Variants in PRTG observed in about 807,000 individuals in gnomAD.
The protein encoded by PRTG is protogenin.
A neutral mutation model predicts 122.5 loss-of-function variants in PRTG; 67 were observed. That is an observed-to-expected ratio of 0.55 (90% CI 0.45 to 0.67). PRTG has a LOEUF of 0.67. Ranked by LOEUF, PRTG falls within the 30% of genes least tolerant of loss-of-function variation. PRTG has a pLI of 0.00. For missense variants in PRTG, 1,435 were observed against 1,415.4 expected, an observed-to-expected ratio of 1.01 and a Z score of -0.22; for synonymous variants, 554 against 501.1, an observed-to-expected ratio of 1.11 and a Z score of -1.41.
At chr15:55,623,383 C>T (rs373939187) in intron 18 of PRTG, among the ~76,000 whole-genome samples, 18 of 152,146 alleles carry the variant, frequency 1.2e-4, no homozygotes, top group African/African-American at 4.3e-4. Context: ...GCCTGACCAA[C>T]ACGGTGAAAC....
At chr15:55,741,977 C>T (rs958833254) in intron 1 of PRTG, among the ~76,000 whole-genome samples, 1 of 152,258 alleles carries the variant, frequency 6.6e-6, no homozygotes, top group African/African-American at 2.4e-5. Context: ...AACACCTCTC[C>T]TACCGTCACC....
At chr15:55,702,783 G>T in intron 2 of PRTG, 1 of 288,340 alleles carries the variant, frequency 3.5e-6, no homozygotes, top group Non-Finnish European at 5.2e-6. Flanking sequence ...GTATCAGTAA[G>T]CATTACACAC....
At chr15:55,672,950 G>A (rs2059481242) in intron 10 of PRTG, among the ~76,000 whole-genome samples, 1 of 151,996 alleles carries the variant, frequency 6.6e-6, no homozygotes, top group Non-Finnish European at 1.5e-5. Flanking sequence ...AGGCACTATT[G>A]TCAGCCAATT....
chr15:55,687,257 C>T (rs1262783603), intron 2 of PRTG, among the ~76,000 whole-genome samples: 3 of 152,070 alleles, frequency 2.0e-5, no homozygotes, highest in African/African-American at 7.2e-5. Context: ...TTGTTTGCTA[C>T]AATTCCAAAC....
In PRTG at chr15:55,680,646, C is replaced by A; in HGVS notation, c.677-18G>T. ...CTCCTTAGCTTTGGGGAGGAAAAGA[C>A]AGAATATAAAAATAAATTATAAATA... On this transcript the variant is annotated intron_variant, in intron 4 of 19. Coordinates refer to ENST00000389286, the MANE Select transcript of PRTG (RefSeq NM_173814.6). 6.9e-7 allele frequency: 1 copy of A among 1,443,530 alleles called. No individual in the cohort carries two copies. The highest frequency in any genetic ancestry group is 9.2e-7 in the Non-Finnish European group (1 of 1,085,304). The allele number at this position is 1,443,530 out of a possible 1,614,324, so 89.4% of individuals were successfully genotyped here. A position where few individuals can be genotyped will look rare whatever the true frequency, so the allele number is the denominator to read the frequency against.
chr15:55,691,800 CT>C (rs1270844255), intron 2 of PRTG, among the ~76,000 whole-genome samples: 6 of 152,074 alleles, frequency 3.9e-5, no homozygotes, highest in African/African-American at 1.4e-4. Context: ...AAAAGTATGT[CT>C]ACTTCTAGGA....
At chr15:55,704,134 C>G (rs2029993292) in intron 2 of PRTG, among the ~76,000 whole-genome samples, 1 of 152,210 alleles carries the variant, frequency 6.6e-6, no homozygotes, top group Non-Finnish European at 1.5e-5. Context: ...TTCCCTTCAG[C>G]CTTTTGCCAA....
chr15:55,718,348 C>T (rs1567113303), intron 2 of PRTG, among the ~76,000 whole-genome samples: 1 of 152,090 alleles, frequency 6.6e-6, no homozygotes, highest in Non-Finnish European at 1.5e-5. Context: ...GTCTCTGTTC[C>T]CAATGAAACT....
chr15:55,664,688 C>A (rs1486314272), intron 11 of PRTG, among the ~76,000 whole-genome samples: 1 of 151,908 alleles, frequency 6.6e-6, no homozygotes, highest in Admixed American at 6.6e-5. Flanking sequence ...CTGGACTCAG[C>A]TGATTCTCCT....
At chr15:55,639,921 A>C (rs1177289419) in intron 12 of PRTG, 93 bp from the exon 13 acceptor site, 21 of 1,506,586 alleles carry the variant, frequency 1.4e-5, no homozygotes, top group Non-Finnish European at 1.8e-5. Flanking sequence ...CCACCCTATA[A>C]GTTGATTTTA....
In PRTG at chr15:55,683,185, CTT is replaced by C. The variant is rs542897986; in HGVS notation, c.542+600_542+601del. On this transcript the variant is annotated intron_variant, in intron 3 of 19. Transcript: ENST00000389286. ...ATTGTCCAAGACATATGTAGATATGCTTTTTTTTTTTAAATAAAGCACTTCCA... is the reference window on the plus strand; with the variant it reads ...ATTGTCCAAGACATATGTAGATATGCTTTTTTTTTAAATAAAGCACTTCCA... Among the ~76,000 whole-genome samples the C allele has an allele frequency of 4.4e-3, 651 of 146,336 alleles. 1 individual carries two copies. The highest frequency in any genetic ancestry group is 0.016 in the African/African-American group (625 of 40,110).
chr15:55,661,000 CAT>C (rs1176528752), intron 11 of PRTG, among the ~76,000 whole-genome samples: 3 of 152,164 alleles, frequency 2.0e-5, no homozygotes, highest in Middle Eastern at 3.4e-3. Flanking sequence ...ATTTTGTTCT[CAT>C]GTGTTTTTTA....
At chr15:55,638,060 C>G (rs2059267703) in intron 14 of PRTG, among the ~76,000 whole-genome samples, 1 of 152,124 alleles carries the variant, frequency 6.6e-6, no homozygotes, top group South Asian at 2.1e-4. Context: ...CGTCCTCATT[C>G]TAGAGATAAG....
intron 15 of PRTG, among the ~76,000 whole-genome samples, chr15:55,633,454 T>C (rs1303104168): frequency 6.6e-6 from 1 of 152,210 alleles, no homozygotes; most frequent in Non-Finnish European, 1.5e-5. Context: ...CCATGTACCA[T>C]TTTAGCCACA....
Position 55,625,281 on chromosome 15 carries a change from T to C in PRTG, c.2928-774A>G, listed in dbSNP as rs561536498. 1.1e-4 allele frequency among the ~76,000 whole-genome samples: 16 copies of C among 152,320 alleles called. 1 individual carries two copies. In the South Asian group the frequency reaches 1.2e-3, roughly 12 times the overall value. On this transcript the variant is annotated intron_variant, in intron 17 of 19. Coordinates refer to ENST00000389286, the MANE Select transcript of PRTG (RefSeq NM_173814.6). Reference sequence around the variant, plus strand: ...AGATGAGATTGCATGACAGAGTTTATAGACACTCAATCCATGTTTATTACA... The same window carrying C: ...AGATGAGATTGCATGACAGAGTTTACAGACACTCAATCCATGTTTATTACA...
intron 2 of PRTG, among the ~76,000 whole-genome samples, chr15:55,688,142 G>A (rs1281451653): frequency 6.6e-6 from 1 of 152,164 alleles, no homozygotes; most frequent in Non-Finnish European, 1.5e-5. Flanking sequence ...CCTCCCCATG[G>A]GATCGAAACT....
In PRTG at chr15:55,614,124, T is replaced by C. The variant is rs1159777426; in HGVS notation, c.*5888A>G. The stretch of plus-strand genomic sequence containing the variant: ...AGCTTTATCGATTTAGTTGAAGAAA[T>C]GCTGAAAATTGGGGTGGAATTAGAC... On this transcript the variant is annotated 3_prime_UTR_variant, in exon 20 of 20. Transcript: ENST00000389286. 6.6e-6 allele frequency: 1 copy of C among 151,996 alleles called. No individual in the cohort carries two copies. The highest frequency in any genetic ancestry group is 1.5e-5 in the Non-Finnish European group (1 of 67,964). 9.4% of individuals were successfully genotyped at this position (151,996 alleles called of 1,614,324 possible). A position where few individuals can be genotyped will look rare whatever the true frequency, so the allele number is the denominator to read the frequency against.
chr15:55,693,211 C>G (rs2059614151), intron 2 of PRTG, among the ~76,000 whole-genome samples: 1 of 152,040 alleles, frequency 6.6e-6, no homozygotes, highest in Non-Finnish European at 1.5e-5. Flanking sequence ...AATCCCAACA[C>G]TTTGGGAGGC....
intron 2 of PRTG, among the ~76,000 whole-genome samples, chr15:55,724,538 G>A (rs1044730402): frequency 5.9e-5 from 9 of 151,964 alleles, no homozygotes; most frequent in South Asian, 2.1e-4. Context: ...ACCTCTTGAG[G>A]CCAGGAGTTT....
Sources: allele counts gnomAD v4.1 joint callset (sites outside exome capture counted in the v4.1 genomes callset), GRCh38; gene constraint gnomAD v4.1.1; transcripts MANE v1.5; gene names NCBI Gene and HGNC (gene_info 2026-07-23, HGNC 2026-07-21).